ACIN1: variants seen among roughly 807,000 people sequenced by gnomAD.
ACIN1 encodes apoptotic chromatin condensation inducer in the nucleus.
ACIN1 carries 16 observed loss-of-function variants against 146.6 expected under a neutral mutation model. The observed-to-expected ratio is 0.11, with a 90% CI of 0.07 to 0.17. ACIN1 has a LOEUF of 0.17. ACIN1 is among the 10% of genes least tolerant of loss of function. The pLI, the probability that ACIN1 is intolerant of heterozygous loss-of-function variation, is 1.00. For synonymous variants in ACIN1, 569 were observed against 582.7 expected (o/e 0.98, Z 0.34); for missense variants, 1,357 against 1,609.3 (o/e 0.84, Z 2.68).
At position 23,058,912 on chromosome 14, in the gene ACIN1, T is replaced by C. The variant is rs1594732117; in HGVS notation, c.*236A>G. The C allele has an allele frequency of 3.6e-6, 2 of 551,422 alleles. No individual in the cohort carries two copies. The highest frequency in any genetic ancestry group is 5.7e-5 in the East Asian group (2 of 35,012). The allele number at this position is 551,422 out of a possible 1,614,324, so 34.2% of individuals were successfully genotyped here. A position where few individuals can be genotyped will look rare whatever the true frequency, so the allele number is the denominator to read the frequency against. On this transcript the variant is annotated 3_prime_UTR_variant, in exon 19 of 19. Transcript: ENST00000605057. ...ACCACCTCCTTGCCTAACCTAGCTC[T>C]TGCCTCTCAGACTTAATGGGAAATG... is the stretch of plus-strand genomic sequence containing the variant.
In ACIN1 at chr14:23,085,174, C is replaced by CA. The variant is rs918764105; in HGVS notation, c.437-3339dup. On this transcript the variant is annotated intron_variant, in intron 4 of 18. Coordinates refer to ENST00000605057, the MANE Select transcript of ACIN1 (RefSeq NM_001386863.1). ...TGAAACCCCGTCTCTACTAAAAATACAAAAAAAAAAATTAGTCGGGTGTGG... is the reference window on the plus strand; with the variant it reads ...TGAAACCCCGTCTCTACTAAAAATACAAAAAAAAAAAATTAGTCGGGTGTGG... Among the ~76,000 whole-genome samples the CA allele has an allele frequency of 4.7e-4, 68 of 145,540 alleles. 1 individual carries two copies. The highest frequency in any genetic ancestry group is 1.0e-3 in the African/African-American group (40 of 39,938).
chr14:23,095,088 G>A lies in ACIN1; in HGVS notation c.25C>T (p.Leu9=). MAELEEVT[L]DGKPLQALRV... The stretch of plus-strand genomic sequence containing the variant: ...AGCGCCTGAAGAGGCTTCCCGTCCA[G>A]AGTCACCTCCTCCAGCTCCGCCATC... Residue 9 remains leucine, a synonymous_variant, in exon 1 of 19, where the codon CTG becomes TTG. Coordinates refer to ENST00000605057, the MANE Select transcript of ACIN1 (RefSeq NM_001386863.1). 2 of 1,614,228 alleles carry A rather than the reference G, an allele frequency of 1.2e-6. No homozygotes were observed. The highest frequency in any genetic ancestry group is 1.7e-6 in the Non-Finnish European group (2 of 1,180,046).
At chr14:23,065,189 C>A (rs2047413861) in intron 10 of ACIN1, among the ~76,000 whole-genome samples, 1 of 152,210 alleles carries the variant, frequency 6.6e-6, no homozygotes, top group African/African-American at 2.4e-5. Flanking sequence ...TTATAAACAT[C>A]TATTATACTT....
Position 23,081,753 on chromosome 14 carries a change from T to C in ACIN1, c.520A>G (p.Arg174Gly). 1 of 1,612,044 alleles carries C rather than the reference T, an allele frequency of 6.2e-7. No individual in the cohort carries two copies. Among genetic ancestry groups the C allele is most frequent in the Admixed American group, 1.7e-5 (1 of 59,730 alleles). Residue 174 changes from arginine to glycine, a missense_variant, in exon 5 of 19, where the codon AGA (arginine) becomes GGA (glycine). By Grantham distance (125) the Arg-to-Gly change is moderately radical. Around this residue, in one of 4 missense-constraint regions of ACIN1, gnomAD observed 771 missense variants for 746.6 expected, o/e 1.03. Coordinates refer to ENST00000605057, the MANE Select transcript of ACIN1 (RefSeq NM_001386863.1). Reference sequence around the variant, plus strand: ...TTAGGAGGTATCTGAGTTACCTGTCTGACCCTAGATGATCGTCTTTCTCCT... The same window carrying C: ...TTAGGAGGTATCTGAGTTACCTGTCCGACCCTAGATGATCGTCTTTCTCCT... ...RKGERRSSRV[R>G]QARAAKLSEG...
At chr14:23,060,350 G>A (rs1028592023) in intron 18 of ACIN1, among the ~76,000 whole-genome samples, 5 of 152,092 alleles carry the variant, frequency 3.3e-5, no homozygotes, top group Admixed American at 6.5e-5. Flanking sequence ...GCTCCCTACC[G>A]TCAGCGTAGA....
At chr14:23,062,632 G>A in intron 14 of ACIN1, 109 bp from the exon 15 acceptor site, 2 of 1,084,192 alleles carry the variant, frequency 1.8e-6, no homozygotes, top group East Asian at 2.4e-5. Context: ...GTTTGGGGGA[G>A]GGCAGAGAGT....
chr14:23,065,624 T>C lies in ACIN1; in HGVS notation c.2308+342A>G, dbSNP rs577193042. On this transcript the variant is annotated intron_variant, in intron 10 of 18. Transcript: ENST00000605057. ...ACAACAAAATACCCAGAATAATTCA[T>C]AAACTGCTAAGCATCACATAGGAGT... 3.9e-5 allele frequency among the ~76,000 whole-genome samples: 6 copies of C among 152,346 alleles called. No individual in the cohort carries two copies. In the South Asian group the frequency reaches 1.2e-3, roughly 32 times the overall value.
rs1181501439 is a variant in ACIN1 at position 23,090,212 on chromosome 14, C to A, written c.317-111G>T. The A allele has an allele frequency of 7.8e-6, 11 of 1,406,950 alleles. 1 individual carries two copies. In the South Asian group the frequency reaches 1.5e-4, roughly 19 times the overall value. The allele number at this position is 1,406,950 out of a possible 1,614,324, so 87.2% of individuals were successfully genotyped here. A position where few individuals can be genotyped will look rare whatever the true frequency, so the allele number is the denominator to read the frequency against. ...AAAGTCACAGATACAGAGATACATA[C>A]CAAAAAGAGCACCGTATAAAAAGAA... On this transcript the variant is annotated intron_variant, in intron 3 of 18. Transcript: ENST00000605057.
At chr14:23,087,384 C>T (rs1439648044) in intron 4 of ACIN1, among the ~76,000 whole-genome samples, 1 of 151,200 alleles carries the variant, frequency 6.6e-6, no homozygotes, top group Admixed American at 6.6e-5. Flanking sequence ...GCATTTACGG[C>T]AATTATGAGC....
chr14:23,067,175 G>T lies in ACIN1; in HGVS notation c.2266-1167C>A. 1 of 645,728 alleles carries T rather than the reference G, an allele frequency of 1.5e-6. No homozygotes were observed. The highest frequency in any genetic ancestry group is 1.9e-6 in the Non-Finnish European group (1 of 523,360). The allele number at this position is 645,728 out of a possible 1,614,324, so 40.0% of individuals were successfully genotyped here. A position where few individuals can be genotyped will look rare whatever the true frequency, so the allele number is the denominator to read the frequency against. On this transcript the variant is annotated intron_variant, in intron 9 of 18. Transcript: ENST00000605057. The surrounding 1 kb of genome is among the most constrained non-coding windows in gnomAD (Gnocchi z 4.6). ...GTCTTAATTAAAACAGGAAAAACAT[G>T]AACCAAATAAATAAATAAAAGAAAT...
At position 23,067,527 on chromosome 14, in the gene ACIN1, C is replaced by T. The variant is rs1333931916; in HGVS notation, c.2266-1519G>A. On this transcript the variant is annotated intron_variant, in intron 9 of 18. Coordinates refer to ENST00000605057, the MANE Select transcript of ACIN1 (RefSeq NM_001386863.1). This position sits in a 1 kb window ranked among gnomAD's most constrained non-coding sequence, Gnocchi z 4.6. ...GGCGGGAGGGAAACGTGTGGGGGGA[C>T]GCTGCCCAGTTTCCATGATGTCAAG... The T allele has an allele frequency of 6.1e-6, 6 of 985,642 alleles. No homozygotes were observed. Among genetic ancestry groups the T allele is most frequent in the Middle Eastern group, 5.2e-4 (1 of 1,936 alleles). 61.1% of individuals were successfully genotyped at this position (985,642 alleles called of 1,614,324 possible). A position where few individuals can be genotyped will look rare whatever the true frequency, so the allele number is the denominator to read the frequency against.
chr14:23,062,716 GC>G lies in ACIN1; in HGVS notation c.2884-194del. 4 of 739,774 alleles carry G rather than the reference GC, an allele frequency of 5.4e-6. No individual in the cohort carries two copies. The East Asian group carries it at 8.1e-5, about 15-fold the overall frequency. 45.8% of individuals were successfully genotyped at this position (739,774 alleles called of 1,614,324 possible). On this transcript the variant is annotated intron_variant, in intron 14 of 18. Coordinates refer to ENST00000605057, the MANE Select transcript of ACIN1 (RefSeq NM_001386863.1). ...CACTAATTGAGACGTTGTATGTGAG[GC>G]CTTCTGCAAGTCCTCAAAACAACCC...
At chr14:23,069,804 C>T (rs1327324489) in intron 8 of ACIN1, among the ~76,000 whole-genome samples, 187 bp from the exon 9 acceptor site, 3 of 152,284 alleles carry the variant, frequency 2.0e-5, no homozygotes, top group Non-Finnish European at 4.4e-5. Context: ...ATAGATTTTC[C>T]TTGGGGAAAG....
intron 8 of ACIN1, among the ~76,000 whole-genome samples, chr14:23,071,915 T>C (rs1340706523): frequency 6.6e-6 from 1 of 152,078 alleles, no homozygotes; most frequent in South Asian, 2.1e-4. Context: ...ATAAGAACGA[T>C]AAAGCCAAAG....
At position 23,068,608 on chromosome 14, in the gene ACIN1, G is replaced by C; in HGVS notation, c.2265+868C>G. ...AGCGGGTGGGTCCAGAGGAAGAGGC[G>C]GCATCAGCGATTGGCCAGTTGGGCA... On this transcript the variant is annotated intron_variant, in intron 9 of 18. Coordinates refer to ENST00000605057, the MANE Select transcript of ACIN1 (RefSeq NM_001386863.1). This position sits in a 1 kb window ranked among gnomAD's most constrained non-coding sequence, Gnocchi z 4.3. 1 of 985,922 alleles carries C rather than the reference G, an allele frequency of 1.0e-6. No individual in the cohort carries two copies. Among genetic ancestry groups the C allele is most frequent in the Middle Eastern group, 5.2e-4 (1 of 1,914 alleles). The allele number at this position is 985,922 out of a possible 1,614,324, so 61.1% of individuals were successfully genotyped here. A position where few individuals can be genotyped will look rare whatever the true frequency, so the allele number is the denominator to read the frequency against.
intron 8 of ACIN1, among the ~76,000 whole-genome samples, chr14:23,077,232 T>C (rs1480522179): frequency 6.6e-6 from 1 of 152,206 alleles, no homozygotes; most frequent in Non-Finnish European, 1.5e-5. Context: ...GAGTATAAAT[T>C]ATTAGACAAT....
intron 9 of ACIN1, 92 bp from the exon 10 acceptor site, chr14:23,066,100 G>T: frequency 3.1e-6 from 3 of 971,990 alleles, no homozygotes; most frequent in Middle Eastern, 2.8e-4. Context: ...TCTTAGCTTA[G>T]CCTCCAAAGA....
intron 4 of ACIN1, among the ~76,000 whole-genome samples, chr14:23,089,586 T>C (rs910668931): frequency 1.3e-5 from 2 of 152,210 alleles, no homozygotes; most frequent in African/African-American, 4.8e-5. Context: ...ATGTGCCTGG[T>C]ATACAACAAG....
intron 1 of ACIN1, 30 bp downstream of exon 1, chr14:23,094,945 T>TC: frequency 6.4e-7 from 1 of 1,561,256 alleles, no homozygotes; most frequent in Non-Finnish European, 8.6e-7. Context: ...TCCGCTCTCC[T>TC]CCGACACCCC....
Sources: allele counts gnomAD v4.1 joint callset (sites outside exome capture counted in the v4.1 genomes callset), GRCh38; gene constraint gnomAD v4.1.1; regional missense constraint gnomAD v4.1.1; non-coding constraint Gnocchi (gnomAD v3.1); transcripts MANE v1.5; gene names NCBI Gene and HGNC (gene_info 2026-07-23, HGNC 2026-07-21).